SRPK2: variants seen among roughly 807,000 people sequenced by gnomAD.
SRPK2 encodes the protein SFRS protein kinase 2.
In SRPK2, 21 loss-of-function variants were observed where a neutral mutation model predicts 90.8. That is an observed-to-expected ratio of 0.23 (90% CI 0.16 to 0.33). The LOEUF is 0.33. Among genes scored for constraint, SRPK2 ranks in the 10% least tolerant of loss-of-function variants. The pLI is 1.00. For missense variants in SRPK2, 620 were observed against 869.0 expected (o/e 0.71, Z 3.60); for synonymous variants, 288 against 311.1 (o/e 0.93, Z 0.78).
intron 3 of SRPK2, among the ~76,000 whole-genome samples, chr7:105,193,033 CTTTAG>C (rs1794497934): frequency 6.6e-6 from 1 of 152,122 alleles, no homozygotes; most frequent in Non-Finnish European, 1.5e-5. Flanking sequence ...TGTAAAAGCT[CTTTAG>C]TTTAATTAAG....
chr7:105,120,519 C>G (rs966109468), intron 15 of SRPK2, among the ~76,000 whole-genome samples: 1 of 152,132 alleles, frequency 6.6e-6, no homozygotes, highest in African/African-American at 2.4e-5. Flanking sequence ...AGTAAAATAT[C>G]TAACTACTTT....
chr7:105,358,448 G>A (rs1165848232), intron 2 of SRPK2, among the ~76,000 whole-genome samples: 1 of 152,146 alleles, frequency 6.6e-6, no homozygotes, highest in Non-Finnish European at 1.5e-5. Flanking sequence ...CACTTTGGAA[G>A]GCTGAAGCAA....
chr7:105,384,963 G>A (rs1187311194), intron 2 of SRPK2, among the ~76,000 whole-genome samples: 1 of 150,302 alleles, frequency 6.7e-6, no homozygotes, highest in Non-Finnish European at 1.5e-5. Flanking sequence ...TGCAAGCTCC[G>A]CCTCCCGGGT....
At chr7:105,208,901 C>T (rs1483277804) in intron 2 of SRPK2, among the ~76,000 whole-genome samples, 3 of 152,070 alleles carry the variant, frequency 2.0e-5, no homozygotes, top group African/African-American at 4.8e-5. Context: ...GCAGGAGGAT[C>T]GCTTGAGCCC....
At chr7:105,166,618 T>C (rs1476465924) in intron 6 of SRPK2, among the ~76,000 whole-genome samples, 1 of 152,178 alleles carries the variant, frequency 6.6e-6, no homozygotes, top group Non-Finnish European at 1.5e-5. Flanking sequence ...ATGTTTGAAA[T>C]TTCTCCCAAT....
At chr7:105,391,864 A>C (rs1822191226), upstream of SRPK2, among the ~76,000 whole-genome samples, 1 of 152,214 alleles carries the variant, frequency 6.6e-6, no homozygotes, top group Non-Finnish European at 1.5e-5. Context: ...GTATATATGC[A>C]CAAGGACTGA....
intron 2 of SRPK2, among the ~76,000 whole-genome samples, chr7:105,355,417 G>A (rs1436720925): frequency 6.6e-6 from 1 of 151,994 alleles, no homozygotes; most frequent in African/African-American, 2.4e-5. Context: ...AACAGAGGCA[G>A]AAGGATCATT....
At chr7:105,137,391 G>T (rs1803009855) in intron 11 of SRPK2, among the ~76,000 whole-genome samples, 1 of 152,084 alleles carries the variant, frequency 6.6e-6, no homozygotes, top group Non-Finnish European at 1.5e-5. Context: ...GTGGGTAAGG[G>T]GGAAGAAGTT....
At chr7:105,383,444 G>T (rs868388403) in intron 2 of SRPK2, among the ~76,000 whole-genome samples, 1 of 142,438 alleles carries the variant, frequency 7.0e-6, no homozygotes, top group African/African-American at 2.6e-5. Context: ...TAATTGAGAC[G>T]GAGTGTCGCT....
At chr7:105,183,011 G>A (rs1185405976) in intron 3 of SRPK2, among the ~76,000 whole-genome samples, 4 of 152,158 alleles carry the variant, frequency 2.6e-5, no homozygotes, top group Non-Finnish European at 5.9e-5. Flanking sequence ...AGCTGTGATA[G>A]TATTTACAAG....
chr7:105,315,572 C>T (rs76534709), intron 2 of SRPK2, among the ~76,000 whole-genome samples: 2,369 of 152,282 alleles, frequency 0.016, 64 homozygotes, highest in African/African-American at 0.052. Context: ...GCCCATGACT[C>T]TCATTTCAAC....
intron 11 of SRPK2, among the ~76,000 whole-genome samples, chr7:105,138,717 T>C (rs1034457766): frequency 6.6e-6 from 1 of 152,176 alleles, no homozygotes; most frequent in African/African-American, 2.4e-5. Context: ...GGAGGATCAC[T>C]TGAGCCAGAA....
At chr7:105,388,451 G>A (rs1191445530) in intron 2 of SRPK2, among the ~76,000 whole-genome samples, 197 bp downstream of exon 2, 1 of 147,214 alleles carries the variant, frequency 6.8e-6, no homozygotes, top group Non-Finnish European at 1.5e-5. Context: ...TAGGGAACCG[G>A]CCGCGGCCCG....
upstream of SRPK2, chr7:105,389,077 GA>G (rs1444210798): frequency 2.2e-6 from 2 of 915,984 alleles, no homozygotes; most frequent in East Asian, 1.3e-4. Flanking sequence ...CACCTGTGCA[GA>G]AGTGGCCGCC....
chr7:105,272,023 T>G (rs1185576008), intron 2 of SRPK2, among the ~76,000 whole-genome samples: 1 of 152,198 alleles, frequency 6.6e-6, no homozygotes. Flanking sequence ...TCTTAGAACC[T>G]TCTAGATTTT....
intron 2 of SRPK2, among the ~76,000 whole-genome samples, chr7:105,263,302 A>G (rs535531585): frequency 2.8e-4 from 42 of 152,222 alleles, no homozygotes; most frequent in African/African-American, 9.6e-4. Context: ...CAGCCTGGGC[A>G]AAAGAGCAAA....
intron 2 of SRPK2, among the ~76,000 whole-genome samples, chr7:105,331,024 G>A (rs531081738): frequency 4.6e-5 from 7 of 151,868 alleles, no homozygotes; most frequent in South Asian, 2.1e-4. Context: ...AAAGAAGGCC[G>A]GGCACGATGG....
intron 11 of SRPK2, among the ~76,000 whole-genome samples, chr7:105,138,756 G>A (rs1308451185): frequency 2.6e-5 from 4 of 152,146 alleles, no homozygotes; most frequent in East Asian, 3.8e-4. Flanking sequence ...CCGAGATCAC[G>A]CCACTGCACT....
At chr7:105,359,705 T>C (rs1585878431) in intron 2 of SRPK2, among the ~76,000 whole-genome samples, 1 of 152,310 alleles carries the variant, frequency 6.6e-6, no homozygotes, top group East Asian at 1.9e-4. Context: ...CTCTTGAATT[T>C]CTCACAATCC....
Sources: gnomAD v4.1 joint callset for allele counts (sites outside exome capture counted in the v4.1 genomes callset) on GRCh38, gnomAD v4.1.1 for gene constraint, MANE v1.5 for transcripts, NCBI Gene and HGNC (gene_info 2026-07-23, HGNC 2026-07-21) for gene names.